The following DAB1 variants were observed in gnomAD, a reference collection of about 807,000 sequenced individuals.
DAB1 encodes the protein DAB adaptor protein 1.
In DAB1, 15 loss-of-function variants were observed where a neutral mutation model predicts 64.6. The observed-to-expected ratio is 0.23, with a 90% confidence interval of 0.16 to 0.36. The LOEUF (loss-of-function observed/expected upper bound fraction) is 0.36, where lower values mean the gene tolerates loss of function less well. DAB1 is among the 10% of genes least tolerant of loss of function. DAB1 has a pLI of 1.00. For synonymous variants in DAB1, 235 were observed against 251.9 expected (o/e 0.93, Z 0.64); for missense variants, 596 against 706.7 (o/e 0.84, Z 1.78).
chr1:57,912,944 G>A (rs1644669541), intron 5 of DAB1, among the ~76,000 whole-genome samples: 1 of 152,010 alleles, frequency 6.6e-6, no homozygotes, highest in Non-Finnish European at 1.5e-5. Flanking sequence ...AAATAAAAGA[G>A]GATACAAACA....
chr1:58,377,206 A>G (rs1319071654), intron 3 of DAB1, among the ~76,000 whole-genome samples: 2 of 150,460 alleles, frequency 1.3e-5, no homozygotes, highest in African/African-American at 4.9e-5. Flanking sequence ...TTATATGTGA[A>G]TTTGATCCTG....
At chr1:58,098,995 G>C (rs148662895) in intron 5 of DAB1, among the ~76,000 whole-genome samples, 67 of 152,292 alleles carry the variant, frequency 4.4e-4, no homozygotes, top group Admixed American at 9.8e-4. Context: ...AGGCCATGGA[G>C]GGGCAAATGG....
At chr1:57,528,661 C>T (rs2793628) in intron 7 of DAB1, among the ~76,000 whole-genome samples, 569 of 150,128 alleles carry the variant, frequency 3.8e-3, no homozygotes, top group South Asian at 9.9e-3. Flanking sequence ...CACACACACA[C>T]ACACACACAC....
intron 11 of DAB1, 137 bp from the exon 12 acceptor site, chr1:57,015,568 A>G: frequency 1.3e-6 from 1 of 745,226 alleles, no homozygotes; most frequent in African/African-American, 1.8e-5. Context: ...GGGGATGCCA[A>G]GATGAACAAG....
intron 4 of DAB1, among the ~76,000 whole-genome samples, chr1:58,222,270 T>C (rs1363384089): frequency 1.3e-5 from 2 of 152,080 alleles, no homozygotes; most frequent in Admixed American, 6.5e-5. Flanking sequence ...TATATGTATA[T>C]ATACATTTTG....
intron 6 of DAB1, among the ~76,000 whole-genome samples, chr1:57,726,908 C>T (rs1386053882): frequency 5.3e-5 from 8 of 152,118 alleles, no homozygotes; most frequent in Admixed American, 1.3e-4. Flanking sequence ...ATAAGGAAAA[C>T]CAGGGCTAAA....
intron 4 of DAB1, among the ~76,000 whole-genome samples, chr1:58,205,680 T>C (rs1184020398): frequency 6.6e-6 from 1 of 152,246 alleles, no homozygotes; most frequent in Non-Finnish European, 1.5e-5. Context: ...GGCCAAACTA[T>C]ATGATTTCCC....
intron 6 of DAB1, among the ~76,000 whole-genome samples, chr1:57,723,424 T>C (rs940429366): frequency 6.6e-6 from 1 of 152,240 alleles, no homozygotes; most frequent in Non-Finnish European, 1.5e-5. Flanking sequence ...CTGTGCTTGT[T>C]TGCTTCTGTC....
At chr1:57,884,447 A>T (rs1430645808), upstream of DAB1, among the ~76,000 whole-genome samples, 2 of 152,212 alleles carry the variant, frequency 1.3e-5, no homozygotes, top group African/African-American at 4.8e-5. Context: ...TCTTTATTTT[A>T]AAATGTTGGA....
chr1:58,249,633 A>G (rs1174734571), intron 4 of DAB1, among the ~76,000 whole-genome samples: 1 of 151,940 alleles, frequency 6.6e-6, no homozygotes, highest in Non-Finnish European at 1.5e-5. Context: ...TCAAGACCAC[A>G]GGACTGAACC....
At position 57,122,017 on chromosome 1, in the gene DAB1, G is replaced by A. The variant is rs1038867384; in HGVS notation, c.306+14526C>T. ...GTTCTGTGAGTTTCTTCTCTACATA[G>A]TGTCTCTGTATTATATCTCTATTTT... On this transcript the variant is annotated intron_variant, in intron 4 of 14. Transcript: ENST00000371236. Among the ~76,000 whole-genome samples, 5 of 152,128 alleles carry A rather than the reference G, an allele frequency of 3.3e-5. No individual in the cohort carries two copies. The East Asian group carries it at 9.6e-4, about 29-fold the overall frequency.
chr1:57,023,778 G>A, intron 10 of DAB1, 139 bp from the exon 11 acceptor site: 1 of 646,688 alleles, frequency 1.5e-6, no homozygotes, highest in Non-Finnish European at 2.9e-6. Context: ...CAGCCCATGT[G>A]CTGGTTACAT....
intron 4 of DAB1, among the ~76,000 whole-genome samples, chr1:58,215,008 A>G (rs965533868): frequency 5.3e-5 from 8 of 152,320 alleles, no homozygotes; most frequent in African/African-American, 1.7e-4. Context: ...AAGTCAATGA[A>G]TCAAAGGGCA....
intron 5 of DAB1, among the ~76,000 whole-genome samples, chr1:58,080,579 G>A (rs1471845728): frequency 1.3e-5 from 2 of 152,230 alleles, no homozygotes; most frequent in Non-Finnish European, 2.9e-5. Context: ...TATTCAAGGA[G>A]TAAATCAACT....
At chr1:58,089,069 A>G (rs980370283) in intron 5 of DAB1, among the ~76,000 whole-genome samples, 10 of 152,244 alleles carry the variant, frequency 6.6e-5, no homozygotes, top group African/African-American at 2.4e-4. Context: ...ACTACTTAGC[A>G]CCAATGTCGT....
At chr1:57,418,345 G>A (rs1226220715) in intron 1 of DAB1, among the ~76,000 whole-genome samples, 2 of 152,168 alleles carry the variant, frequency 1.3e-5, no homozygotes, top group Non-Finnish European at 2.9e-5. Flanking sequence ...TAGAAACGAG[G>A]AAAGACAGAG....
intron 5 of DAB1, among the ~76,000 whole-genome samples, chr1:58,053,694 A>T (rs182431798): frequency 6.6e-6 from 1 of 152,358 alleles, no homozygotes; most frequent in African/African-American, 2.4e-5. Context: ...AGTAAAGATA[A>T]TATATGAAAG....
chr1:58,275,971 A>T (rs966502010), intron 4 of DAB1, among the ~76,000 whole-genome samples: 2 of 152,266 alleles, frequency 1.3e-5, no homozygotes, highest in Non-Finnish European at 2.9e-5. Context: ...CACCAGTGGA[A>T]TACTGTTCAG....
intron 6 of DAB1, among the ~76,000 whole-genome samples, chr1:57,812,964 G>A (rs549782354): frequency 4.6e-5 from 7 of 152,264 alleles, no homozygotes; most frequent in South Asian, 2.1e-4. Flanking sequence ...ACTACCACAC[G>A]TATAAAACTC....
Sources: gnomAD v4.1 joint callset for allele counts (sites outside exome capture counted in the v4.1 genomes callset) on GRCh38, gnomAD v4.1.1 for gene constraint, MANE v1.5 for transcripts, NCBI Gene and HGNC (gene_info 2026-07-23, HGNC 2026-07-21) for gene names.